The following TBC1D23 variants were observed in gnomAD, a reference collection of about 807,000 sequenced individuals.
The protein encoded by TBC1D23 is HCV non-structural protein 4A-transactivated protein 1.
TBC1D23 carries 55 observed loss-of-function variants against 91.4 expected under a neutral mutation model. The ratio of observed to expected loss-of-function variants is 0.60; its 90% CI spans 0.48 to 0.75. The LOEUF (loss-of-function observed/expected upper bound fraction) is 0.75. Ranked by LOEUF, TBC1D23 falls within the 30% of genes least tolerant of loss-of-function variation. The pLI is 0.00. For synonymous variants in TBC1D23, 289 were observed against 281.0 expected (o/e 1.03, Z -0.28); for missense variants, 725 against 836.1 (o/e 0.87, Z 1.64).
intron 3 of TBC1D23, among the ~76,000 whole-genome samples, chr3:100,282,076 C>T (rs2067699929): frequency 6.6e-6 from 1 of 152,148 alleles, no homozygotes; most frequent in African/African-American, 2.4e-5. Flanking sequence ...TTTGGGAGGC[C>T]AAGGCAGACA....
At chr3:100,276,518 T>C (rs1007403550) in intron 1 of TBC1D23, among the ~76,000 whole-genome samples, 3 of 152,210 alleles carry the variant, frequency 2.0e-5, no homozygotes, top group Non-Finnish European at 2.9e-5. Context: ...CCTTCTCCCA[T>C]ACATTGTGCA....
intron 15 of TBC1D23, 136 bp downstream of exon 15, chr3:100,312,013 T>C: frequency 1.6e-6 from 1 of 616,550 alleles, no homozygotes; most frequent in South Asian, 2.1e-5. Context: ...TCATTCTGCT[T>C]TTTAGGAGTG....
intron 1 of TBC1D23, among the ~76,000 whole-genome samples, chr3:100,277,081 C>A (rs972201148): frequency 1.3e-5 from 2 of 152,140 alleles, no homozygotes; most frequent in Admixed American, 6.6e-5. Flanking sequence ...CCCACTCATA[C>A]CACACCAGAC....
chr3:100,321,758 CAATT>C (rs1705861710), intron 18 of TBC1D23, among the ~76,000 whole-genome samples: 1 of 150,290 alleles, frequency 6.7e-6, no homozygotes, highest in Non-Finnish European at 1.5e-5. Context: ...CTTGTACTGA[CAATT>C]AGGTAGCAAA....
chr3:100,297,946 T>G lies in TBC1D23; in HGVS notation c.900T>G (p.Ser300Arg). The change falls in exon 9 of 19, where the codon AGT becomes AGG. Residue 300 changes from serine (S) to arginine (R), a missense_variant. By Grantham distance (110) the Ser-to-Arg change is moderately radical. Coordinates refer to ENST00000394144, the MANE Select transcript of TBC1D23 (RefSeq NM_001199198.3). ...FRKDNHHLFG[S>R]TLLGIKDDDA... ...AGGATAATCACCATCTCTTTGGTAG[T>G]ACTTTGTTGGGAATTAAGGATGATG... is the stretch of plus-strand genomic sequence containing the variant. 1 of 1,611,896 alleles carries G rather than the reference T, an allele frequency of 6.2e-7. No individual in the cohort carries two copies. Among genetic ancestry groups the G allele is most frequent in the Non-Finnish European group, 8.5e-7 (1 of 1,178,238 alleles).
chr3:100,263,252 A>G (rs2067529202), intron 1 of TBC1D23, among the ~76,000 whole-genome samples: 1 of 152,240 alleles, frequency 6.6e-6, no homozygotes, highest in South Asian at 2.1e-4. Context: ...ATGAGCCAGG[A>G]AAAGGACTTT....
intron 1 of TBC1D23, chr3:100,279,374 A>G (rs2148853746): frequency 3.8e-6 from 1 of 266,224 alleles, no homozygotes; most frequent in Non-Finnish European, 7.2e-6. Flanking sequence ...CTATGACTTC[A>G]CAGTGCTGTC....
intron 14 of TBC1D23, 98 bp from the exon 15 acceptor site, chr3:100,311,735 G>A: frequency 1.3e-6 from 1 of 792,094 alleles, no homozygotes; most frequent in Non-Finnish European, 2.1e-6. Context: ...TGTACACTCT[G>A]GGTGAGAAAA....
At chr3:100,269,308 G>A (rs549074526) in intron 1 of TBC1D23, among the ~76,000 whole-genome samples, 3 of 152,306 alleles carry the variant, frequency 2.0e-5, no homozygotes, top group African/African-American at 7.2e-5. Context: ...AGCTGTTTTT[G>A]TGGATCTGGT....
intron 2 of TBC1D23, among the ~76,000 whole-genome samples, chr3:100,280,177 C>T (rs778049973): frequency 2.0e-5 from 3 of 151,366 alleles, no homozygotes; most frequent in Non-Finnish European, 2.9e-5. Context: ...TACAGTGAGC[C>T]GAGATAGCGC....
intron 1 of TBC1D23, among the ~76,000 whole-genome samples, chr3:100,263,318 G>C (rs1480976819): frequency 6.6e-6 from 1 of 152,176 alleles, no homozygotes; most frequent in Non-Finnish European, 1.5e-5. Context: ...TTCTTTTCTG[G>C]TAGAATGTCA....
At position 100,265,019 on chromosome 3, in the gene TBC1D23, T is replaced by TTA. The variant is rs538567768; in HGVS notation, c.53+3958_53+3959dup. On this transcript the variant is annotated intron_variant, in intron 1 of 18. Transcript: ENST00000394144. ...ACACTTAAGTTAGCAGGGTTCTAGG[T>TTA]TATATATATATCAGAATGAGTAGGT... 1.4e-3 allele frequency among the ~76,000 whole-genome samples: 219 copies of TTA among 152,258 alleles called. 2 individuals carry two copies. Among genetic ancestry groups the TTA allele is most frequent in the Non-Finnish European group, 1.2e-3 (83 of 68,008 alleles).
At chr3:100,281,122 A>G (rs1315664215) in intron 2 of TBC1D23, among the ~76,000 whole-genome samples, 1 of 152,220 alleles carries the variant, frequency 6.6e-6, no homozygotes, top group Non-Finnish European at 1.5e-5. Flanking sequence ...AGATCGTGCC[A>G]CTATGCTCCA....
chr3:100,313,794 C>T (rs1403573933), intron 15 of TBC1D23, among the ~76,000 whole-genome samples: 1 of 152,100 alleles, frequency 6.6e-6, no homozygotes, highest in Non-Finnish European at 1.5e-5. Context: ...AAAGCTCTTA[C>T]CTCTGTCTTT....
At chr3:100,295,045 C>T (rs1196434006) in intron 5 of TBC1D23, 42 bp from the exon 6 acceptor site, 1 of 1,523,716 alleles carries the variant, frequency 6.6e-7, no homozygotes, top group Admixed American at 2.3e-5. Context: ...GAACAAGTCA[C>T]CTCCAGTGGT....
intron 1 of TBC1D23, among the ~76,000 whole-genome samples, chr3:100,268,627 T>C (rs990551857): frequency 2.6e-5 from 4 of 151,898 alleles, no homozygotes; most frequent in Non-Finnish European, 5.9e-5. Context: ...ATAGGTAATA[T>C]CTCTCTCTCT....
chr3:100,312,416 G>A (rs1576184351), intron 15 of TBC1D23, among the ~76,000 whole-genome samples: 1 of 151,730 alleles, frequency 6.6e-6, no homozygotes, highest in Admixed American at 6.6e-5. Flanking sequence ...ACAGTTCTAG[G>A]GTTCTGCCTT....
At chr3:100,311,749 A>G in intron 14 of TBC1D23, 84 bp from the exon 15 acceptor site, 1 of 930,708 alleles carries the variant, frequency 1.1e-6, no homozygotes, top group Non-Finnish European at 1.7e-6. Context: ...GAGAAAAACT[A>G]AACTGTACCA....
intron 8 of TBC1D23, 88 bp from the exon 9 acceptor site, chr3:100,297,835 T>C: frequency 8.7e-7 from 1 of 1,147,328 alleles, no homozygotes; most frequent in Non-Finnish European, 1.2e-6. Flanking sequence ...ATTATAATTT[T>C]ACCTTTTATC....
Sources: allele counts gnomAD v4.1 joint callset (sites outside exome capture counted in the v4.1 genomes callset), GRCh38; gene constraint gnomAD v4.1.1; transcripts MANE v1.5; gene names NCBI Gene and HGNC (gene_info 2026-07-23, HGNC 2026-07-21).